Variants in PLEKHA7 observed in about 807,000 individuals in gnomAD.
The protein encoded by PLEKHA7 is pleckstrin homology domain containing A7, also known as pleckstrin homology domain-containing family A member 7.
PLEKHA7 carries 104 observed loss-of-function variants against 170.0 expected under a neutral mutation model. The observed-to-expected ratio is 0.61, with a 90% confidence interval of 0.52 to 0.72. The LOEUF is 0.72. Ranked by LOEUF, PLEKHA7 falls within the 30% of genes least tolerant of loss-of-function variation. The probability of loss-of-function intolerance (pLI) is 0.00; values close to 1 mark genes in which losing one functional copy is unlikely to be tolerated. For synonymous variants in PLEKHA7, 648 were observed against 660.8 expected (o/e 0.98, Z 0.30); for missense variants, 1,615 against 1,671.7 (o/e 0.97, Z 0.59).
At chr11:16,794,450 G>A in intron 19 of PLEKHA7, 38 bp downstream of exon 19, 1 of 1,569,520 alleles carries the variant, frequency 6.4e-7, no homozygotes, top group African/African-American at 1.3e-5. Flanking sequence ...GGACAGAGAG[G>A]AAACAATGGC....
chr11:16,850,309 C>T (rs1037760020), intron 8 of PLEKHA7, among the ~76,000 whole-genome samples: 4 of 152,186 alleles, frequency 2.6e-5, no homozygotes, highest in Admixed American at 6.5e-5. Flanking sequence ...TTGACGTGTA[C>T]GACATTGCCT....
intron 3 of PLEKHA7, among the ~76,000 whole-genome samples, chr11:17,011,690 C>T (rs906682287): frequency 3.3e-5 from 5 of 152,134 alleles, no homozygotes; most frequent in Non-Finnish European, 5.9e-5. Flanking sequence ...CATCTCTCTT[C>T]TGTCTGTACT....
rs563548077 is a variant in PLEKHA7 at position 16,917,383 on chromosome 11, TATAAC to T, written c.222-46206_222-46202del. Among the ~76,000 whole-genome samples, 80 of 152,332 alleles carry T rather than the reference TATAAC, an allele frequency of 5.3e-4. 1 individual carries two copies. The South Asian group carries it at 0.016, about 31-fold the overall frequency. On this transcript the variant is annotated intron_variant, in intron 3 of 26. Coordinates refer to ENST00000531066, the MANE Select transcript of PLEKHA7 (RefSeq NM_001329630.2). ...ACAAATTATCATAAATTTAGGTACT[TATAAC>T]AACACAAATTTATCATCCTAAGGTT... is the stretch of plus-strand genomic sequence containing the variant.
In PLEKHA7 at chr11:16,795,061, C is replaced by T. The variant is rs1409160794; in HGVS notation, c.2410-43G>A. ...GTGGGTTTGCCTTCTTAGCTCCTTA[C>T]AAGTTTCTTCTTAGGACTTATCCTA... is the stretch of plus-strand genomic sequence containing the variant. On this transcript the variant is annotated intron_variant, in intron 17 of 26. Coordinates refer to ENST00000531066, the MANE Select transcript of PLEKHA7 (RefSeq NM_001329630.2). 5.9e-6 allele frequency: 8 copies of T among 1,364,588 alleles called. No individual in the cohort carries two copies. The African/African-American group carries it at 1.1e-4, about 20-fold the overall frequency. 84.5% of individuals were successfully genotyped at this position (1,364,588 alleles called of 1,614,324 possible).
intron 3 of PLEKHA7, among the ~76,000 whole-genome samples, chr11:16,998,701 T>TA (rs1864487211): frequency 1.4e-3 from 1 of 700 alleles, no homozygotes; most frequent in Non-Finnish European, 3.3e-3. Flanking sequence ...CTAAAAAAAA[T>TA]ATTCAAAACC....
intron 3 of PLEKHA7, among the ~76,000 whole-genome samples, chr11:16,899,990 T>TG (rs562011395): frequency 6.6e-6 from 1 of 152,114 alleles, no homozygotes; most frequent in East Asian, 1.9e-4. Flanking sequence ...GGATAAGGTG[T>TG]GGGGGGCAGG....
intron 3 of PLEKHA7, among the ~76,000 whole-genome samples, chr11:16,976,305 C>G (rs1166407243): frequency 6.6e-6 from 1 of 152,218 alleles, no homozygotes; most frequent in Non-Finnish European, 1.5e-5. Context: ...ATGGGGGCTC[C>G]CTAGCCCACA....
chr11:16,828,390 T>C (rs1252056303), intron 9 of PLEKHA7, among the ~76,000 whole-genome samples: 3 of 152,188 alleles, frequency 2.0e-5, no homozygotes, highest in Admixed American at 1.3e-4. Context: ...TCCACCATGA[T>C]TGTAAGTTTC....
At chr11:16,824,261 G>A (rs377094715) in intron 10 of PLEKHA7, among the ~76,000 whole-genome samples, 2 of 152,238 alleles carry the variant, frequency 1.3e-5, no homozygotes, top group African/African-American at 2.4e-5. Context: ...GGGGTCAGGT[G>A]CAGTGGGTCA....
intron 9 of PLEKHA7, among the ~76,000 whole-genome samples, chr11:16,841,219 G>A (rs965860950): frequency 2.0e-5 from 3 of 152,156 alleles, no homozygotes; most frequent in Non-Finnish European, 2.9e-5. Flanking sequence ...CCAGCAACAT[G>A]GCAGTTAGTC....
intron 3 of PLEKHA7, among the ~76,000 whole-genome samples, chr11:16,967,568 G>GT (rs1461290657): frequency 6.6e-6 from 1 of 152,066 alleles, no homozygotes; most frequent in African/African-American, 2.4e-5. Flanking sequence ...ACAAGGCACA[G>GT]TGTAGGCACA....
chr11:16,940,281 GTTTTTTTT>G (rs71047516), intron 3 of PLEKHA7, among the ~76,000 whole-genome samples: 1 of 110,408 alleles, frequency 9.1e-6, no homozygotes, highest in Non-Finnish European at 1.9e-5. Flanking sequence ...TTCTTCTGCT[GTTTTTTTT>G]TTTTTTTTTT....
intron 9 of PLEKHA7, among the ~76,000 whole-genome samples, chr11:16,829,781 G>T (rs1191209100): frequency 2.0e-5 from 3 of 151,998 alleles, no homozygotes; most frequent in Admixed American, 2.0e-4. Flanking sequence ...CCTCAAAAAA[G>T]AAAAAGTAAT....
chr11:16,926,828 A>G (rs942022212), intron 3 of PLEKHA7, among the ~76,000 whole-genome samples: 1 of 152,194 alleles, frequency 6.6e-6, no homozygotes, highest in Admixed American at 6.5e-5. Flanking sequence ...GAGCCTGGCT[A>G]TCTGTCCAAA....
intron 3 of PLEKHA7, among the ~76,000 whole-genome samples, chr11:16,927,006 C>T (rs1271579093): frequency 6.7e-6 from 1 of 148,784 alleles, no homozygotes; most frequent in South Asian, 2.1e-4. Context: ...ATCAGTGTCT[C>T]TATCTAAAAT....
At chr11:16,916,861 C>G (rs1858722595) in intron 3 of PLEKHA7, among the ~76,000 whole-genome samples, 1 of 152,170 alleles carries the variant, frequency 6.6e-6, no homozygotes, top group South Asian at 2.1e-4. Context: ...TGAGGTCAGG[C>G]TGGATTAGGT....
At chr11:16,882,034 G>A (rs1436851931) in intron 3 of PLEKHA7, among the ~76,000 whole-genome samples, 1 of 152,200 alleles carries the variant, frequency 6.6e-6, no homozygotes, top group African/African-American at 2.4e-5. Flanking sequence ...TTCATTGCAA[G>A]CTACGTAGTT....
chr11:16,821,412 G>A (rs774128581), intron 10 of PLEKHA7, among the ~76,000 whole-genome samples: 1 of 152,282 alleles, frequency 6.6e-6, no homozygotes, highest in East Asian at 1.9e-4. Flanking sequence ...AATACAGTGA[G>A]ATTCTAAGAG....
intron 3 of PLEKHA7, among the ~76,000 whole-genome samples, chr11:16,909,110 T>C (rs1278969199): frequency 6.6e-6 from 1 of 152,216 alleles, no homozygotes; most frequent in Non-Finnish European, 1.5e-5. Context: ...GATTAAATGA[T>C]ACATGCATTG....
Sources: allele counts gnomAD v4.1 joint callset (sites outside exome capture counted in the v4.1 genomes callset), GRCh38; gene constraint gnomAD v4.1.1; transcripts MANE v1.5; gene names NCBI Gene and HGNC (gene_info 2026-07-23, HGNC 2026-07-21).